ZNF155: variants seen among roughly 807,000 people sequenced by gnomAD.
The protein encoded by ZNF155 is KRAB A domain.
In ZNF155, 15 loss-of-function variants were observed where a neutral mutation model predicts 11.9. That is an observed-to-expected ratio of 1.26 (90% CI 0.84 to 1.94). ZNF155 has a LOEUF of 1.94. Among genes scored for constraint, ZNF155 ranks in the 30% most tolerant of loss-of-function variants. The probability of loss-of-function intolerance (pLI) is 0.00; values close to 1 mark genes in which losing one functional copy is unlikely to be tolerated. For synonymous variants in ZNF155, 212 were observed against 219.9 expected (o/e 0.96, Z 0.32); for missense variants, 602 against 639.1 (o/e 0.94, Z 0.63).
At chr19:43,994,084 T>G (rs1975752812) in intron 4 of ZNF155, among the ~76,000 whole-genome samples, 1 of 152,222 alleles carries the variant, frequency 6.6e-6, no homozygotes, top group Middle Eastern at 3.2e-3. Context: ...TTAACTGTAT[T>G]TCATAGCTCA....
At chr19:43,990,547 G>C (rs1396129461) in intron 2 of ZNF155, among the ~76,000 whole-genome samples, 1 of 152,210 alleles carries the variant, frequency 6.6e-6, no homozygotes, top group Admixed American at 6.5e-5. Context: ...AGGCCACACA[G>C]TTAGGAAGGG....
At chr19:43,991,402 C>G in intron 2 of ZNF155, 146 bp from the exon 3 acceptor site, 1 of 1,407,958 alleles carries the variant, frequency 7.1e-7, no homozygotes, top group South Asian at 1.3e-5. Flanking sequence ...AGGATATAGA[C>G]AGAATGAGTG....
At chr19:43,984,667 G>T (rs566177200) in intron 1 of ZNF155, among the ~76,000 whole-genome samples, 1 of 152,294 alleles carries the variant, frequency 6.6e-6, no homozygotes, top group South Asian at 2.1e-4. Flanking sequence ...TTTAGGAGTT[G>T]AAAGTTGTGG....
At position 43,996,258 on chromosome 19, in the gene ZNF155, T is replaced by C. The variant is rs776526186; in HGVS notation, c.401T>C (p.Val134Ala). The C allele has an allele frequency of 2.5e-6, 4 of 1,614,206 alleles. No individual in the cohort carries two copies. Among genetic ancestry groups the C allele is most frequent in the Non-Finnish European group, 3.4e-6 (4 of 1,180,026 alleles). ...FFENGDVPSQ[V>A]EAGLPTIHTG... is the part of the protein sequence containing the mutation. ...GAAAATGGTGATGTCCCCTCCCAGG[T>C]TGAAGCAGGACTACCCACAATTCAT... The change falls in exon 5 of 5, where the codon GTT becomes GCT. Residue 134 changes from valine (V) to alanine (A), a missense_variant. Physicochemically the swap from Val to Ala is moderately conservative, Grantham distance 64. Transcript: ENST00000270014.
chr19:43,990,101 A>G (rs1300240357), intron 2 of ZNF155: 4 of 1,522,830 alleles, frequency 2.6e-6, no homozygotes, highest in African/African-American at 1.4e-5. Context: ...ATTCTGTTCA[A>G]AGATTATGGA....
In ZNF155 at chr19:43,990,194, A is replaced by G; in HGVS notation, c.16-1354A>G. 4.9e-6 allele frequency: 4 copies of G among 814,302 alleles called. No individual in the cohort carries two copies. The South Asian group carries it at 5.9e-5, about 12-fold the overall frequency. The allele number at this position is 814,302 out of a possible 1,614,324, so 50.4% of individuals were successfully genotyped here. A position where few individuals can be genotyped will look rare whatever the true frequency, so the allele number is the denominator to read the frequency against. ...CTTATTTTTTGATGTTTTAATTTTC[A>G]TTTGAAATTATTATTTTAAACAATG... is the stretch of plus-strand genomic sequence containing the variant. On this transcript the variant is annotated intron_variant, in intron 2 of 4. Coordinates refer to ENST00000270014, the MANE Select transcript of ZNF155 (RefSeq NM_198089.3).
rs146204893 is a variant in ZNF155, at chr19:43,997,173, C to G, written c.1316C>G (p.Thr439Ser). 472 of 1,613,922 alleles carry G rather than the reference C, an allele frequency of 2.9e-4. No individual in the cohort carries two copies. Among genetic ancestry groups the G allele is most frequent in the Non-Finnish European group, 3.7e-4 (438 of 1,180,002 alleles). ...KCEECGKGYV[T>S]KFNLDLHQRV... ...GAGGAGTGTGGGAAGGGCTATGTTA[C>G]TAAGTTTAATCTTGACTTGCACCAG... The change falls in exon 5 of 5, where the codon ACT (threonine) becomes AGT (serine). Residue 439 changes from threonine to serine, a missense_variant. Transcript: ENST00000270014.
chr19:43,988,344 A>G (rs1054270271), intron 1 of ZNF155, 115 bp from the exon 2 acceptor site: 2 of 422,156 alleles, frequency 4.7e-6, no homozygotes, highest in Non-Finnish European at 8.5e-6. Flanking sequence ...CCATTTGCCT[A>G]TCCATTTACC....
At chr19:43,986,570 C>T (rs1276485464) in intron 1 of ZNF155, among the ~76,000 whole-genome samples, 2 of 151,892 alleles carry the variant, frequency 1.3e-5, no homozygotes, top group African/African-American at 4.8e-5. Context: ...CTGCCCCAGC[C>T]TCCTGAGTAG....
Position 43,997,504 on chromosome 19 carries a change from A to G in ZNF155, c.*30A>G. 1 of 1,523,226 alleles carries G rather than the reference A, an allele frequency of 6.6e-7. No homozygotes were observed. The highest frequency in any genetic ancestry group is 8.8e-7 in the Non-Finnish European group (1 of 1,129,944). 94.4% of individuals were successfully genotyped at this position (1,523,226 alleles called of 1,614,324 possible). A position where few individuals can be genotyped will look rare whatever the true frequency, so the allele number is the denominator to read the frequency against. On this transcript the variant is annotated 3_prime_UTR_variant, in exon 5 of 5. Coordinates refer to ENST00000270014, the MANE Select transcript of ZNF155 (RefSeq NM_198089.3). ...TCATATTTATGGGGTACAACGTGCTATTTTAATGTGTGCATACAATTTATA... is the reference window on the plus strand; with the variant it reads ...TCATATTTATGGGGTACAACGTGCTGTTTTAATGTGTGCATACAATTTATA...
In ZNF155 at chr19:43,996,453, T is replaced by C; in HGVS notation, c.596T>C (p.Val199Ala). The C allele has an allele frequency of 6.2e-7, 1 of 1,614,178 alleles. No individual in the cohort carries two copies. The highest frequency in any genetic ancestry group is 8.5e-7 in the Non-Finnish European group (1 of 1,180,024). ...SALHVHQRVH[V>A]GEKLFMCDVC... The stretch of plus-strand genomic sequence containing the variant: ...CTTCATGTTCATCAGAGAGTCCACG[T>C]GGGAGAGAAACTCTTTATGTGTGAT... The change falls in exon 5 of 5, where the codon GTG becomes GCG. Residue 199 changes from valine to alanine, a missense_variant. By Grantham distance (64) the Val-to-Ala change is moderately conservative. Coordinates refer to ENST00000270014, the MANE Select transcript of ZNF155 (RefSeq NM_198089.3).
rs1975680201 is a variant in ZNF155 at position 43,991,880 on chromosome 19, AG to A, written c.184del (p.Glu62LysfsTer6). 2 of 1,613,860 alleles carry A rather than the reference AG, an allele frequency of 1.2e-6. No homozygotes were observed. Among genetic ancestry groups the A allele is most frequent in the Admixed American group, 3.3e-5 (2 of 59,992 alleles). Reference sequence around the variant, plus strand: ...CCACCAAGATACTTGCCACTTCCTAAGGGAAGAAAAGTTTTGGATGATGGGG... The same window carrying A: ...CCACCAAGATACTTGCCACTTCCTAAGGAAGAAAAGTTTTGGATGATGGGG... ...PFHQDTCHFL[R>X]EEKFWMMGTA... is the part of the protein sequence containing the mutation. On this transcript the variant is annotated frameshift_variant, in exon 4 of 5. Transcript: ENST00000270014. LOFTEE classifies it high-confidence loss of function.
intron 2 of ZNF155, among the ~76,000 whole-genome samples, chr19:43,989,322 A>G (rs1350627273): frequency 6.6e-6 from 1 of 152,222 alleles, no homozygotes; most frequent in Non-Finnish European, 1.5e-5. Flanking sequence ...TAAGCAGTTT[A>G]ACCAAAGCAG....
At chr19:43,994,438 A>G (rs415913) in intron 4 of ZNF155, among the ~76,000 whole-genome samples, 112,396 of 152,148 alleles carry the variant, frequency 0.74, 43,088 homozygotes, top group Middle Eastern at 0.85. Context: ...TCAACCAACT[A>G]CAAAATTTAC....
At chr19:43,994,047 C>CT (rs1975751722) in intron 4 of ZNF155, among the ~76,000 whole-genome samples, 1 of 152,218 alleles carries the variant, frequency 6.6e-6, no homozygotes, top group African/African-American at 2.4e-5. Context: ...CATTCCAGTT[C>CT]TTTTTTGTAA....
Position 43,991,525 on chromosome 19 carries a change from G to A in ZNF155, c.16-23G>A, listed in dbSNP as rs190341150. ...AGTAGTCCTTGGTCATAAGATTGAA[G>A]TTATGTCTTCTTGATGTTGTAGGAG... On this transcript the variant is annotated intron_variant, in intron 2 of 4. Coordinates refer to ENST00000270014, the MANE Select transcript of ZNF155 (RefSeq NM_198089.3). 764 of 1,614,024 alleles carry A rather than the reference G, an allele frequency of 4.7e-4. 2 individuals are homozygous for A. Among genetic ancestry groups the A allele is most frequent in the Admixed American group, 4.0e-3 (238 of 60,004 alleles).
chr19:43,997,622 GTA>G lies in ZNF155; in HGVS notation c.*149_*150del. 1 of 814,172 alleles carries G rather than the reference GTA, an allele frequency of 1.2e-6. No individual in the cohort carries two copies. The highest frequency in any genetic ancestry group is 1.8e-6 in the Non-Finnish European group (1 of 542,996). The allele number at this position is 814,172 out of a possible 1,614,324, so 50.4% of individuals were successfully genotyped here. ...TTCAAAATCCATTTGAGAGGAGTTG[GTA>G]GACAGCAAGGGAAGGGTCCCTGGAG... On this transcript the variant is annotated 3_prime_UTR_variant, in exon 5 of 5. Coordinates refer to ENST00000270014, the MANE Select transcript of ZNF155 (RefSeq NM_198089.3).
chr19:43,988,415 C>A, intron 1 of ZNF155, 44 bp from the exon 2 acceptor site: 3 of 932,928 alleles, frequency 3.2e-6, no homozygotes, highest in South Asian at 2.5e-5. Context: ...CTGCTGTGAT[C>A]ATTCATGGGC....
At chr19:43,994,148 T>C (rs745815432) in intron 4 of ZNF155, among the ~76,000 whole-genome samples, 3 of 152,220 alleles carry the variant, frequency 2.0e-5, no homozygotes, top group Non-Finnish European at 4.4e-5. Flanking sequence ...ATCTGCATCA[T>C]AGGCTTTCTT....
Sources: allele counts gnomAD v4.1 joint callset (sites outside exome capture counted in the v4.1 genomes callset), GRCh38; gene constraint gnomAD v4.1.1; transcripts MANE v1.5; gene names NCBI Gene and HGNC (gene_info 2026-07-23, HGNC 2026-07-21).